DPP10: variants seen among roughly 807,000 people sequenced by gnomAD.
DPP10 encodes dipeptidyl peptidase like 10.
In DPP10, 33 loss-of-function variants were observed where a neutral mutation model predicts 120.9. That is an observed-to-expected ratio of 0.27 (90% CI 0.21 to 0.37). The LOEUF (loss-of-function observed/expected upper bound fraction) is 0.37. Ranked by LOEUF, DPP10 falls within the 10% of genes least tolerant of loss-of-function variation. The pLI, the probability that DPP10 is intolerant of heterozygous loss-of-function variation, is 1.00. For missense variants in DPP10, 816 were observed against 942.8 expected, an observed-to-expected ratio of 0.87 and a Z score of 1.76; for synonymous variants, 337 against 326.1, an observed-to-expected ratio of 1.03 and a Z score of -0.36.
intron 1 of DPP10, chr2:114,835,433 A>C (rs1248119808): frequency 6.6e-6 from 1 of 152,146 alleles, no homozygotes; most frequent in Admixed American, 6.5e-5. Flanking sequence ...ACATATCTAC[A>C]CACCTATGTA....
intron 1 of DPP10, among the ~76,000 whole-genome samples, chr2:114,948,578 A>G (rs1197060150): frequency 1.3e-5 from 2 of 152,162 alleles, no homozygotes; most frequent in Non-Finnish European, 2.9e-5. Flanking sequence ...ATTTCAAAAC[A>G]AAAATCTAAA....
intron 1 of DPP10, among the ~76,000 whole-genome samples, chr2:115,201,640 C>A (rs2055730672): frequency 1.3e-5 from 2 of 152,130 alleles, no homozygotes; most frequent in South Asian, 4.1e-4. Context: ...AAGAATGATT[C>A]TTTGTCAAGT....
intron 1 of DPP10, among the ~76,000 whole-genome samples, chr2:114,999,023 A>G (rs1381822117): frequency 6.6e-6 from 1 of 152,192 alleles, no homozygotes; most frequent in Non-Finnish European, 1.5e-5. Context: ...TGTAAAATGC[A>G]AATTGTCCTG....
chr2:114,549,064 C>G (rs1422372700), intron 1 of DPP10, among the ~76,000 whole-genome samples: 2 of 152,178 alleles, frequency 1.3e-5, no homozygotes, highest in Non-Finnish European at 2.9e-5. Context: ...TTTGCATTAG[C>G]AGGGGATGGC....
intron 1 of DPP10, among the ~76,000 whole-genome samples, chr2:114,523,165 G>C (rs143388803): frequency 1.7e-4 from 26 of 152,328 alleles, no homozygotes; most frequent in African/African-American, 6.0e-4. Flanking sequence ...CTCAGCTTGA[G>C]TCCAGCTTCA....
chr2:114,460,169 A>ATTATCTATC (rs1053106806), intron 1 of DPP10, among the ~76,000 whole-genome samples: 3 of 148,516 alleles, frequency 2.0e-5, no homozygotes, highest in African/African-American at 7.5e-5. Context: ...ATTTGGGATG[A>ATTATCTATC]TATCTATCTA....
rs560424711 is a variant in DPP10 at position 115,480,997 on chromosome 2, GCTAAGTATTAGAACA to G, written c.272-18512_272-18498del. On this transcript the variant is annotated intron_variant, in intron 3 of 25. Coordinates refer to ENST00000410059, the MANE Select transcript of DPP10 (RefSeq NM_020868.6). ...ACAGGTGGCTTGAATTAAATATGAT[GCTAAGTATTAGAACA>G]ATTATATTTCTAGCATGGCAGGAAG... Among the ~76,000 whole-genome samples, 257 of 152,204 alleles carry G rather than the reference GCTAAGTATTAGAACA, an allele frequency of 1.7e-3. 3 individuals carry two copies. The highest frequency in any genetic ancestry group is 5.7e-3 in the African/African-American group (236 of 41,544).
chr2:115,184,310 G>C (rs748864823), intron 1 of DPP10, among the ~76,000 whole-genome samples: 5 of 152,218 alleles, frequency 3.3e-5, no homozygotes, highest in Admixed American at 6.5e-5. Flanking sequence ...TTTGCTGCCT[G>C]ATGAAGATGA....
At chr2:115,338,252 G>C (rs2063262692) in intron 2 of DPP10, among the ~76,000 whole-genome samples, 2 of 151,970 alleles carry the variant, frequency 1.3e-5, no homozygotes, top group Non-Finnish European at 2.9e-5. Flanking sequence ...AATTCAACGT[G>C]CTTGGTTGGA....
intron 4 of DPP10, among the ~76,000 whole-genome samples, chr2:115,522,933 C>T (rs886947573): frequency 2.0e-5 from 3 of 152,012 alleles, no homozygotes; most frequent in African/African-American, 7.2e-5. Flanking sequence ...TCTCCTGTGG[C>T]TGAAAGAAAG....
At chr2:115,265,268 CATAT>C (rs55778302) in intron 1 of DPP10, among the ~76,000 whole-genome samples, 295 of 142,278 alleles carry the variant, frequency 2.1e-3, no homozygotes, top group African/African-American at 4.8e-3. Context: ...CTTTGGATTC[CATAT>C]ATATATATAT....
At chr2:114,459,208 C>A (rs1304517846) in intron 1 of DPP10, among the ~76,000 whole-genome samples, 1 of 152,098 alleles carries the variant, frequency 6.6e-6, no homozygotes, top group African/African-American at 2.4e-5. Flanking sequence ...CTGTTCTTAC[C>A]GTTGCTGTGA....
At chr2:114,742,945 G>A (rs1678209211) in intron 1 of DPP10, among the ~76,000 whole-genome samples, 1 of 152,176 alleles carries the variant, frequency 6.6e-6, no homozygotes, top group Non-Finnish European at 1.5e-5. Flanking sequence ...GCACACATTT[G>A]AATTTTTTGA....
At chr2:114,946,291 T>C (rs1418080624) in intron 1 of DPP10, among the ~76,000 whole-genome samples, 1 of 152,330 alleles carries the variant, frequency 6.6e-6, no homozygotes, top group East Asian at 1.9e-4. Context: ...GAATTCTATA[T>C]AGTATCTTCA....
At chr2:115,578,711 T>C (rs1198947034) in intron 5 of DPP10, among the ~76,000 whole-genome samples, 2 of 152,198 alleles carry the variant, frequency 1.3e-5, no homozygotes, top group Non-Finnish European at 2.9e-5. Context: ...TTTAATTTGA[T>C]TTGGAGAGAA....
intron 1 of DPP10, among the ~76,000 whole-genome samples, chr2:114,648,198 G>C (rs1696284572): frequency 6.6e-6 from 1 of 152,106 alleles, no homozygotes; most frequent in South Asian, 2.1e-4. Flanking sequence ...TGAGTGACAA[G>C]GGCAACTGAT....
intron 1 of DPP10, among the ~76,000 whole-genome samples, chr2:114,749,397 G>T (rs1293671062): frequency 6.6e-6 from 1 of 151,886 alleles, no homozygotes. Context: ...GAACAGAATG[G>T]GTTGCTTTAC....
At chr2:114,910,661 C>T (rs1305942416) in intron 1 of DPP10, among the ~76,000 whole-genome samples, 1 of 152,080 alleles carries the variant, frequency 6.6e-6, no homozygotes, top group East Asian at 1.9e-4. Flanking sequence ...AAGCTATTCA[C>T]ATATGTAATT....
At chr2:115,273,326 G>C (rs2059777627) in intron 1 of DPP10, among the ~76,000 whole-genome samples, 2 of 151,946 alleles carry the variant, frequency 1.3e-5, no homozygotes, top group Non-Finnish European at 2.9e-5. Flanking sequence ...TCTTGAGACA[G>C]CTTGCTTTTT....
Sources: allele counts gnomAD v4.1 joint callset (sites outside exome capture counted in the v4.1 genomes callset), GRCh38; gene constraint gnomAD v4.1.1; transcripts MANE v1.5; gene names NCBI Gene and HGNC (gene_info 2026-07-23, HGNC 2026-07-21).